The following CPNE3 variants were observed in gnomAD, a reference collection of about 807,000 sequenced individuals.
CPNE3 encodes the protein copine 3, also known as copine-3.
In CPNE3, 68 loss-of-function variants were observed where a neutral mutation model predicts 63.9. The ratio of observed to expected loss-of-function variants is 1.06; its 90% CI spans 0.87 to 1.30. The LOEUF (loss-of-function observed/expected upper bound fraction) is 1.30. CPNE3 is among the 50% of genes most tolerant of loss of function. The pLI is 0.00. For synonymous variants in CPNE3, 219 were observed against 197.5 expected, an observed-to-expected ratio of 1.11 and a Z score of -0.91; for missense variants, 665 against 578.1, an observed-to-expected ratio of 1.15 and a Z score of -1.54.
In CPNE3 at chr8:86,560,664, G is replaced by C. The variant is rs980585362; in HGVS notation, c.*2254G>C. ...AGATGCTATTATTCATAAGAACTGT[G>C]ATTCCAGCAAACTAGGGTAATTGGT... On this transcript the variant is annotated 3_prime_UTR_variant, in exon 17 of 17. Transcript: ENST00000517490. 1.3e-5 allele frequency: 2 copies of C among 152,154 alleles called. No homozygotes were observed. Among genetic ancestry groups the C allele is most frequent in the African/African-American group, 4.8e-5 (2 of 41,430 alleles). The allele number at this position is 152,154 out of a possible 1,614,324, so 9.4% of individuals were successfully genotyped here. A position where few individuals can be genotyped will look rare whatever the true frequency, so the allele number is the denominator to read the frequency against.
rs538750959 is a variant in CPNE3 at position 86,558,982 on chromosome 8, A to C, written c.*572A>C. ...TGGTTTACAAAACAGCATGCACTCA[A>C]CTTGGGACTTTATGAAAAGTACTGA... On this transcript the variant is annotated 3_prime_UTR_variant, in exon 17 of 17. Transcript: ENST00000517490. 6.6e-6 allele frequency: 1 copy of C among 152,406 alleles called. No homozygotes were observed. The highest frequency in any genetic ancestry group is 1.9e-4 in the East Asian group (1 of 5,188). The allele number at this position is 152,406 out of a possible 1,614,324, so 9.4% of individuals were successfully genotyped here. A position where few individuals can be genotyped will look rare whatever the true frequency, so the allele number is the denominator to read the frequency against.
intron 2 of CPNE3, among the ~76,000 whole-genome samples, chr8:86,527,949 T>TTTTTTTTTTTTTTTTG (rs1820575381): frequency 7.8e-6 from 1 of 127,860 alleles, no homozygotes; most frequent in Non-Finnish European, 1.6e-5. Flanking sequence ...AAAAGAAATT[T>TTTTTTTTTTTTTTTTG]TTTTTTTTTT....
At chr8:86,538,789 G>A (rs1586839542) in intron 7 of CPNE3, among the ~76,000 whole-genome samples, 1 of 152,120 alleles carries the variant, frequency 6.6e-6, no homozygotes, top group Non-Finnish European at 1.5e-5. Flanking sequence ...GGCTCATGGT[G>A]CCAGGCTGCC....
At chr8:86,547,552 A>G in intron 10 of CPNE3, 159 bp from the exon 11 acceptor site, 1 of 562,694 alleles carries the variant, frequency 1.8e-6, no homozygotes, top group Non-Finnish European at 3.1e-6. Flanking sequence ...TTCATGGCAC[A>G]TAGGGGAAGG....
chr8:86,517,808 G>T (rs1350117974), intron 2 of CPNE3, among the ~76,000 whole-genome samples: 1 of 152,108 alleles, frequency 6.6e-6, no homozygotes, highest in Non-Finnish European at 1.5e-5. Context: ...TTTATTGTTG[G>T]CTCTCCAGCA....
intron 5 of CPNE3, among the ~76,000 whole-genome samples, 164 bp downstream of exon 5, chr8:86,531,393 A>G (rs537821012): frequency 2.0e-5 from 3 of 152,320 alleles, no homozygotes; most frequent in African/African-American, 7.2e-5. Flanking sequence ...TGGAAAATGT[A>G]TTGTGCAAAC....
intron 12 of CPNE3, among the ~76,000 whole-genome samples, chr8:86,549,109 A>G (rs1000662256): frequency 3.7e-4 from 57 of 152,176 alleles, no homozygotes; most frequent in African/African-American, 1.2e-3. Context: ...ATGTAGCGTT[A>G]AGAGTACAGA....
chr8:86,552,224 C>T (rs2131496164), intron 14 of CPNE3, among the ~76,000 whole-genome samples: 1 of 152,278 alleles, frequency 6.6e-6, no homozygotes, highest in South Asian at 2.1e-4. Flanking sequence ...CCTTTTCTTC[C>T]TAAACAATAT....
chr8:86,516,446 A>G (rs575692795), intron 2 of CPNE3, among the ~76,000 whole-genome samples: 3 of 152,276 alleles, frequency 2.0e-5, no homozygotes, highest in South Asian at 2.1e-4. Flanking sequence ...TTTATTTTCT[A>G]TGCTCTTTAT....
At chr8:86,537,889 C>G (rs1820836189) in intron 7 of CPNE3, among the ~76,000 whole-genome samples, 1 of 151,996 alleles carries the variant, frequency 6.6e-6, no homozygotes, top group Admixed American at 6.6e-5. Flanking sequence ...CTCTGCACCC[C>G]TCACCTAGAT....
intron 7 of CPNE3, among the ~76,000 whole-genome samples, chr8:86,539,660 G>T (rs1043582462): frequency 1.4e-4 from 15 of 108,146 alleles, no homozygotes; most frequent in East Asian, 5.2e-4. Flanking sequence ...ATCCTCCGCA[G>T]TTTTTTTTTT....
At chr8:86,533,448 T>C (rs1820729280) in intron 6 of CPNE3, among the ~76,000 whole-genome samples, 1 of 152,116 alleles carries the variant, frequency 6.6e-6, no homozygotes. Flanking sequence ...GGAGGATTGC[T>C]TGAGCCCAGG....
At chr8:86,540,388 T>G in intron 8 of CPNE3, 54 bp downstream of exon 8, 1 of 836,256 alleles carries the variant, frequency 1.2e-6, no homozygotes. Context: ...TGTTCACCTA[T>G]TTTATAAAAT....
At chr8:86,536,869 G>A (rs1416054572) in intron 6 of CPNE3, among the ~76,000 whole-genome samples, 1 of 152,158 alleles carries the variant, frequency 6.6e-6, no homozygotes, top group East Asian at 1.9e-4. Flanking sequence ...TGTGTGTATT[G>A]AGGATGGTGA....
rs763650020 is a variant in CPNE3 at position 86,529,118 on chromosome 8, T to C, written c.306T>C (p.Leu102=). 9 of 1,612,526 alleles carry C rather than the reference T, an allele frequency of 5.6e-6. No individual in the cohort carries two copies. Among genetic ancestry groups the C allele is most frequent in the Admixed American group, 1.7e-5 (1 of 59,784 alleles). ...DDFLGECECT[L]GQIVSSKKLT... is the part of the protein sequence containing the mutation. ...TCTTAGGGGAATGTGAATGTACCCT[T>C]GGACAAGTAAGTATAAATAGCCACT... The change falls in exon 4 of 17, where the codon CTT becomes CTC. Residue 102 remains leucine, a synonymous_variant. Coordinates refer to ENST00000517490, the MANE Select transcript of CPNE3 (RefSeq NM_003909.5).
At chr8:86,521,944 T>C (rs1820442718) in intron 2 of CPNE3, among the ~76,000 whole-genome samples, 1 of 151,992 alleles carries the variant, frequency 6.6e-6, no homozygotes, top group African/African-American at 2.4e-5. Context: ...CAGAAGATAA[T>C]ATATTATTTG....
Position 86,540,334 on chromosome 8 carries a change from G to A in CPNE3, c.633G>A (p.Lys211=). 2.1e-6 allele frequency: 3 copies of A among 1,446,198 alleles called. No homozygotes were observed. Among genetic ancestry groups the A allele is most frequent in the Non-Finnish European group, 2.8e-6 (3 of 1,088,288 alleles). The allele number at this position is 1,446,198 out of a possible 1,614,324, so 89.6% of individuals were successfully genotyped here. Residue 211 remains lysine, a splice_region_variant and synonymous_variant, in exon 8 of 17, where the codon AAG becomes AAA. Coordinates refer to ENST00000517490, the MANE Select transcript of CPNE3 (RefSeq NM_003909.5). The part of the protein sequence containing the change: ...LCYGDMDKTI[K]VECYDYDNDG... ...ACGGAGATATGGACAAAACCATTAA[G>A]GTAAGTTGAAATTATATATATATAA... is the stretch of plus-strand genomic sequence containing the variant.
chr8:86,556,860 G>A (rs552022785), intron 16 of CPNE3, among the ~76,000 whole-genome samples: 29 of 152,132 alleles, frequency 1.9e-4, no homozygotes, highest in Non-Finnish European at 3.5e-4. Flanking sequence ...TACTAATATA[G>A]TCTTCATTTC....
At chr8:86,532,150 T>C (rs1820697326) in intron 5 of CPNE3, among the ~76,000 whole-genome samples, 1 of 152,218 alleles carries the variant, frequency 6.6e-6, no homozygotes, top group Admixed American at 6.5e-5. Flanking sequence ...TAGAGTATTC[T>C]AGGTATGATT....
Sources: allele counts gnomAD v4.1 joint callset (sites outside exome capture counted in the v4.1 genomes callset), GRCh38; gene constraint gnomAD v4.1.1; transcripts MANE v1.5; gene names NCBI Gene and HGNC (gene_info 2026-07-23, HGNC 2026-07-21).